Variants in PROS1 observed in about 807,000 individuals in gnomAD.
The protein encoded by PROS1 is protein S.
Under a neutral mutation model 75.9 loss-of-function variants are expected in PROS1, and 29 were observed. The observed-to-expected ratio is 0.38, with a 90% CI of 0.28 to 0.52. The LOEUF is 0.52. Ranked by LOEUF, PROS1 falls within the 20% of genes least tolerant of loss-of-function variation. The pLI is 0.83. For synonymous variants in PROS1, 245 were observed against 280.6 expected (o/e 0.87, Z 1.27); for missense variants, 680 against 810.3 (o/e 0.84, Z 1.95).
intron 1 of PROS1, among the ~76,000 whole-genome samples, chr3:93,970,279 AT>A (rs1460295975): frequency 2.0e-5 from 3 of 152,150 alleles, no homozygotes; most frequent in African/African-American, 7.2e-5. Flanking sequence ...TCTTTCTCCT[AT>A]TTCCTCACCA....
chr3:93,941,924 TC>T (rs1432566347), intron 1 of PROS1, among the ~76,000 whole-genome samples: 1 of 152,180 alleles, frequency 6.6e-6, no homozygotes, highest in Non-Finnish European at 1.5e-5. Flanking sequence ...TCAGCTATAC[TC>T]ACCCTTTGTT....
At chr3:93,916,287 A>G (rs1203465426) in intron 3 of PROS1, among the ~76,000 whole-genome samples, 4 of 152,284 alleles carry the variant, frequency 2.6e-5, no homozygotes, top group East Asian at 3.9e-4. Context: ...CTTCATTAGA[A>G]TCATCGTTTT....
chr3:93,960,268 C>G lies in PROS1; in HGVS notation c.76+13406G>C, dbSNP rs571714150. On this transcript the variant is annotated intron_variant, in intron 1 of 14. Transcript: ENST00000394236. ...CTTAGCTCACTGCAAGCTCAGCCTC[C>G]TGGGTTCACGCCATTCTCCTGCCTC... 2.6e-5 allele frequency among the ~76,000 whole-genome samples: 4 copies of G among 151,862 alleles called. No homozygotes were observed. The South Asian group carries it at 8.3e-4, about 32-fold the overall frequency.
In PROS1 at chr3:93,912,797, A is replaced by G. The variant is rs148200391; in HGVS notation, c.260-2092T>C. Among the ~76,000 whole-genome samples the G allele has an allele frequency of 1.5e-3, 223 of 152,272 alleles. 1 individual carries two copies. The Middle Eastern group carries it at 0.031, about 21-fold the overall frequency. ...CTCAAGCCCTTTTATAATTGGTGTT[A>G]GGCTATTCATGATGGTGGAGCCTTA... On this transcript the variant is annotated intron_variant, in intron 3 of 14. Transcript: ENST00000394236.
At chr3:93,892,594 A>G (rs1245027548) in intron 10 of PROS1, among the ~76,000 whole-genome samples, 1 of 151,866 alleles carries the variant, frequency 6.6e-6, no homozygotes, top group African/African-American at 2.4e-5. Context: ...ACTGCACTCC[A>G]GCCTGGGCAA....
chr3:93,925,751 G>C (rs766345519), intron 2 of PROS1, among the ~76,000 whole-genome samples: 6 of 151,322 alleles, frequency 4.0e-5, no homozygotes, highest in Non-Finnish European at 8.9e-5. Context: ...CTGAGCGGGG[G>C]GGTCAGGGCT....
chr3:93,941,168 C>T (rs1316885445), intron 1 of PROS1, among the ~76,000 whole-genome samples: 2 of 152,138 alleles, frequency 1.3e-5, no homozygotes, highest in African/African-American at 2.4e-5. Context: ...TCATGATTTA[C>T]TTTCTTTCCA....
At chr3:93,941,866 A>G (rs543913516) in intron 1 of PROS1, among the ~76,000 whole-genome samples, 1 of 151,826 alleles carries the variant, frequency 6.6e-6, no homozygotes, top group East Asian at 1.9e-4. Context: ...TCCAAAATCT[A>G]TTTTCTTCCT....
chr3:93,895,058 G>C (rs1441153440), intron 9 of PROS1, among the ~76,000 whole-genome samples: 1 of 152,036 alleles, frequency 6.6e-6, no homozygotes, highest in Non-Finnish European at 1.5e-5. Context: ...CATAGTATTT[G>C]CATATAACCT....
intron 13 of PROS1, among the ~76,000 whole-genome samples, chr3:93,878,010 A>G (rs1708216902): frequency 6.6e-6 from 1 of 152,224 alleles, no homozygotes; most frequent in African/African-American, 2.4e-5. Context: ...AATAAAGAAA[A>G]TGCTCCAAAA....
At chr3:93,902,547 G>A (rs752328967) in intron 6 of PROS1, among the ~76,000 whole-genome samples, 9 of 151,932 alleles carry the variant, frequency 5.9e-5, no homozygotes, top group African/African-American at 7.2e-5. Flanking sequence ...GAGCTCAGGC[G>A]TTCAAGACCA....
At chr3:93,895,065 A>T (rs1708481032) in intron 9 of PROS1, among the ~76,000 whole-genome samples, 1 of 152,084 alleles carries the variant, frequency 6.6e-6, no homozygotes, top group Admixed American at 6.6e-5. Context: ...TTTGCATATA[A>T]CCTATGCACA....
At chr3:93,891,942 C>CTT (rs1708436920) in intron 10 of PROS1, among the ~76,000 whole-genome samples, 1 of 151,998 alleles carries the variant, frequency 6.6e-6, no homozygotes, top group Non-Finnish European at 1.5e-5. Flanking sequence ...TTTGAATTAC[C>CTT]TTTTTAGACT....
At chr3:93,923,179 A>G (rs186157975) in intron 3 of PROS1, among the ~76,000 whole-genome samples, 1 of 152,318 alleles carries the variant, frequency 6.6e-6, no homozygotes, top group Admixed American at 6.5e-5. Flanking sequence ...CAAAGAGAAG[A>G]GTTGGGCAGG....
intron 12 of PROS1, among the ~76,000 whole-genome samples, chr3:93,880,180 A>T (rs762488620): frequency 2.0e-5 from 3 of 152,198 alleles, no homozygotes; most frequent in Non-Finnish European, 4.4e-5. Flanking sequence ...ATATAATGTC[A>T]CTGTTTTTCA....
intron 1 of PROS1, among the ~76,000 whole-genome samples, chr3:93,970,201 G>C (rs1709855922): frequency 6.6e-6 from 1 of 152,198 alleles, no homozygotes; most frequent in Non-Finnish European, 1.5e-5. Flanking sequence ...GTAGTGTCTA[G>C]AGTAGCCTGC....
At chr3:93,973,027 A>G (rs1476637766) in intron 1 of PROS1, among the ~76,000 whole-genome samples, 1 of 152,198 alleles carries the variant, frequency 6.6e-6, no homozygotes, top group Non-Finnish European at 1.5e-5. Flanking sequence ...AAACACAAAG[A>G]TAAAGAATTC....
At chr3:93,956,563 A>AAACACAC (rs1709606627) in intron 1 of PROS1, among the ~76,000 whole-genome samples, 38 of 128,378 alleles carry the variant, frequency 3.0e-4, no homozygotes, top group South Asian at 1.0e-3. Flanking sequence ...CACACACACA[A>AAACACAC]ACACACACAC....
chr3:93,884,914 A>G lies in PROS1; in HGVS notation c.1324-18T>C. 2.5e-6 allele frequency: 4 copies of G among 1,607,314 alleles called. No individual in the cohort carries two copies. The highest frequency in any genetic ancestry group is 2.6e-6 in the Non-Finnish European group (3 of 1,175,578). On this transcript the variant is annotated intron_variant, in intron 11 of 14. Transcript: ENST00000394236. ...GGGTTAATCTAACAAATTAAAATACAAGTCAAGGAGTGCATTTTAAACTTA... is the reference window on the plus strand; with the variant it reads ...GGGTTAATCTAACAAATTAAAATACGAGTCAAGGAGTGCATTTTAAACTTA...
Sources: allele counts gnomAD v4.1 joint callset (sites outside exome capture counted in the v4.1 genomes callset), GRCh38; gene constraint gnomAD v4.1.1; transcripts MANE v1.5; gene names NCBI Gene and HGNC (gene_info 2026-07-23, HGNC 2026-07-21).